Variants in CTNND1 observed in about 807,000 individuals in gnomAD.
CTNND1 encodes the protein catenin delta-1.
CTNND1 carries 16 observed loss-of-function variants against 112.1 expected under a neutral mutation model. That is an observed-to-expected ratio of 0.14 (90% CI 0.10 to 0.22). The LOEUF (loss-of-function observed/expected upper bound fraction) is 0.22. Ranked by LOEUF, CTNND1 falls within the 10% of genes least tolerant of loss-of-function variation. CTNND1 has a pLI of 1.00. For synonymous variants in CTNND1, 420 were observed against 446.5 expected, an observed-to-expected ratio of 0.94 and a Z score of 0.75; for missense variants, 1,008 against 1,257.0, an observed-to-expected ratio of 0.80 and a Z score of 3.00.
intron 1 of CTNND1, among the ~76,000 whole-genome samples, chr11:57,784,798 GC>G (rs1438275482): frequency 6.6e-6 from 1 of 152,180 alleles, no homozygotes; most frequent in African/African-American, 2.4e-5. Context: ...GAGCCGTGGT[GC>G]CCGGCCATGA....
chr11:57,783,864 G>A (rs1429180828), intron 1 of CTNND1, among the ~76,000 whole-genome samples: 1 of 152,086 alleles, frequency 6.6e-6, no homozygotes, highest in Non-Finnish European at 1.5e-5. Flanking sequence ...AGTGTTACAG[G>A]TGCTATATTT....
At chr11:57,771,120 A>G (rs552251796) in intron 1 of CTNND1, among the ~76,000 whole-genome samples, 1 of 152,356 alleles carries the variant, frequency 6.6e-6, no homozygotes, top group East Asian at 1.9e-4. Flanking sequence ...AAAGTATAGA[A>G]AAAGAAAAGA....
chr11:57,773,610 C>T (rs1953351797), intron 1 of CTNND1, among the ~76,000 whole-genome samples: 1 of 151,358 alleles, frequency 6.6e-6, no homozygotes, highest in South Asian at 2.1e-4. Context: ...TGCCACCACG[C>T]CTGGCTATGT....
At position 57,796,477 on chromosome 11, in the gene CTNND1, T is replaced by G; in HGVS notation, c.441T>G (p.Thr147=). 6.2e-7 allele frequency: 1 copy of G among 1,603,658 alleles called. No homozygotes were observed. The highest frequency in any genetic ancestry group is 8.5e-7 in the Non-Finnish European group (1 of 1,172,830). ...TETTVKKVVK[T]VTTRTVQPVA... is the part of the protein sequence containing the mutation. ...TGCAGGTCAAGAAAGTAGTGAAGAC[T>G]GTGACAACACGGACAGTACAGCCAG... The change falls in exon 6 of 21, where the codon ACT becomes ACG. Residue 147 remains threonine (T), a synonymous_variant. Coordinates refer to ENST00000399050, the MANE Select transcript of CTNND1 (RefSeq NM_001085458.2).
intron 17 of CTNND1, 114 bp from the exon 18 acceptor site, chr11:57,814,197 G>T (rs774488180): frequency 4.7e-5 from 34 of 725,374 alleles, no homozygotes; most frequent in Non-Finnish European, 7.4e-5. Flanking sequence ...CATAGTTGGT[G>T]CTAAGTAGAA....
chr11:57,779,814 C>T (rs2059382751), intron 1 of CTNND1, among the ~76,000 whole-genome samples: 1 of 152,108 alleles, frequency 6.6e-6, no homozygotes, highest in Non-Finnish European at 1.5e-5. Context: ...GTAATTTTTA[C>T]AGAGTAGTGC....
At chr11:57,815,815 TTTTG>T in intron 19 of CTNND1, 96 bp from the exon 20 acceptor site, 1 of 1,006,626 alleles carries the variant, frequency 9.9e-7, no homozygotes, top group Non-Finnish European at 1.5e-6. Context: ...TTATATCTTG[TTTTG>T]TTTGAGTTTA....
In CTNND1 at chr11:57,770,356, A is replaced by G. The variant is rs571855417; in HGVS notation, c.-214+8237A>G. Among the ~76,000 whole-genome samples, 459 of 151,400 alleles carry G rather than the reference A, an allele frequency of 3.0e-3. 4 individuals are homozygous for G. The highest frequency in any genetic ancestry group is 0.011 in the African/African-American group (441 of 41,258). On this transcript the variant is annotated intron_variant, in intron 1 of 20. Transcript: ENST00000399050. ...AAAATAAAAAATAAAAAAAAAAAAG[A>G]AAGATTTTTGTTACACGGTTGGGCT...
At position 57,803,363 on chromosome 11, in the gene CTNND1, C is replaced by T. The variant is rs2062249181; in HGVS notation, c.1421-258C>T. On this transcript the variant is annotated intron_variant, in intron 7 of 20. Coordinates refer to ENST00000399050, the MANE Select transcript of CTNND1 (RefSeq NM_001085458.2). The stretch of plus-strand genomic sequence containing the variant: ...TTGGCCTCCCAAATTGCTGGGATTA[C>T]AGGCGTGAGCCACCACACCCAGCCT... Among the ~76,000 whole-genome samples the T allele has an allele frequency of 2.6e-5, 4 of 152,236 alleles. No homozygotes were observed. In the South Asian group the frequency reaches 6.2e-4, roughly 24 times the overall value.
chr11:57,761,897 A>G lies in CTNND1; in HGVS notation c.-436A>G, dbSNP rs1949948697. 2 of 984,940 alleles carry G rather than the reference A, an allele frequency of 2.0e-6. No homozygotes were observed. The highest frequency in any genetic ancestry group is 6.2e-5 in the Admixed American group (1 of 16,232). The allele number at this position is 984,940 out of a possible 1,614,324, so 61.0% of individuals were successfully genotyped here. On this transcript the variant is annotated 5_prime_UTR_variant, in exon 1 of 21. Transcript: ENST00000399050. ...TGAGGGGGAAAAAAAAGAGAGAGGG[A>G]GAGAGAGAGAAAGAAGAGCAGGAAA... is the stretch of plus-strand genomic sequence containing the variant.
At chr11:57,794,564 T>TTGCTTGAAAC (rs2061138930) in intron 4 of CTNND1, among the ~76,000 whole-genome samples, 1 of 150,374 alleles carries the variant, frequency 6.7e-6, no homozygotes, top group African/African-American at 2.5e-5. Flanking sequence ...GGTGGGCAGA[T>TTGCTTGAAAC]CACCTCAGGT....
chr11:57,808,168 A>G lies in CTNND1; in HGVS notation c.1967A>G (p.Tyr656Cys), dbSNP rs201501642. ...FPKRTSPARGYELLFQPEVVR... is the reference protein window; with the variant it reads ...FPKRTSPARGCELLFQPEVVR... ...CTTCTATTTCTCTTTTGTGCAGGCT[A>G]TGAGCTCTTATTTCAGCCAGAGGTG... The change falls in exon 13 of 21, where the codon TAT becomes TGT. Residue 656 changes from tyrosine (Y) to cysteine (C), a missense_variant. Physicochemically the swap from Tyr to Cys is radical, Grantham distance 194. Around this residue, in one of 5 missense-constraint regions of CTNND1, gnomAD observed 254 missense variants for 279.5 expected, o/e 0.91. Transcript: ENST00000399050. 21 of 1,611,494 alleles carry G rather than the reference A, an allele frequency of 1.3e-5. No individual in the cohort carries two copies. The highest frequency in any genetic ancestry group is 6.7e-5 in the East Asian group (3 of 44,782).
At chr11:57,810,627 A>G (rs971282328) in intron 16 of CTNND1, among the ~76,000 whole-genome samples, 1 of 151,914 alleles carries the variant, frequency 6.6e-6, no homozygotes, top group Non-Finnish European at 1.5e-5. Flanking sequence ...ACCTGGCCTC[A>G]TGTTAAATCT....
intron 18 of CTNND1, among the ~76,000 whole-genome samples, chr11:57,814,816 A>T (rs957560027): frequency 6.6e-6 from 1 of 152,008 alleles, no homozygotes; most frequent in Non-Finnish European, 1.5e-5. Context: ...GGCTTAACTC[A>T]AGTCCTGTTT....
chr11:57,770,962 A>G (rs1952430300), intron 1 of CTNND1, among the ~76,000 whole-genome samples: 1 of 152,120 alleles, frequency 6.6e-6, no homozygotes, highest in Non-Finnish European at 1.5e-5. Flanking sequence ...CTGTAACCTC[A>G]TTGCTGTTCT....
intron 12 of CTNND1, 149 bp downstream of exon 12, chr11:57,807,132 G>A (rs2062771202): frequency 2.8e-6 from 2 of 718,016 alleles, no homozygotes; most frequent in Non-Finnish European, 4.7e-6. Context: ...GTATTGGGAA[G>A]CTGCATAGTA....
chr11:57,773,832 C>T (rs913071643), intron 1 of CTNND1, among the ~76,000 whole-genome samples: 1 of 151,874 alleles, frequency 6.6e-6, no homozygotes, highest in Admixed American at 6.6e-5. Context: ...GTTCCATATA[C>T]TCAGGAGGCC....
intron 2 of CTNND1, among the ~76,000 whole-genome samples, chr11:57,790,570 T>TTTTTTTG (rs2060618610): frequency 6.9e-6 from 1 of 145,788 alleles, no homozygotes; most frequent in Non-Finnish European, 1.5e-5. Context: ...TTTTTTTTTT[T>TTTTTTTG]TTTTTGAGAC....
At chr11:57,783,846 A>G (rs1301513297) in intron 1 of CTNND1, among the ~76,000 whole-genome samples, 1 of 152,198 alleles carries the variant, frequency 6.6e-6, no homozygotes, top group Non-Finnish European at 1.5e-5. Context: ...TATGTAATAC[A>G]GTTCTGTAGT....
Sources: allele counts gnomAD v4.1 joint callset (sites outside exome capture counted in the v4.1 genomes callset), GRCh38; gene constraint gnomAD v4.1.1; regional missense constraint gnomAD v4.1.1; transcripts MANE v1.5; gene names NCBI Gene and HGNC (gene_info 2026-07-23, HGNC 2026-07-21).